The following MARVELD2 variants were observed in gnomAD, a reference collection of about 807,000 sequenced individuals.
MARVELD2 encodes MARVEL domain-containing protein 2.
In MARVELD2, 49 loss-of-function variants were observed where a neutral mutation model predicts 57.6. The ratio of observed to expected loss-of-function variants is 0.85; its 90% confidence interval spans 0.68 to 1.08. MARVELD2 has a LOEUF of 1.08. Ranked by LOEUF, MARVELD2 falls within the 50% of genes least tolerant of loss-of-function variation. The pLI is 0.00. For missense variants in MARVELD2, 606 were observed against 701.1 expected, an observed-to-expected ratio of 0.86 and a Z score of 1.53; for synonymous variants, 238 against 258.8, an observed-to-expected ratio of 0.92 and a Z score of 0.77.
chr5:69,429,280 T>G (rs1053651231), intron 3 of MARVELD2, among the ~76,000 whole-genome samples: 37 of 152,284 alleles, frequency 2.4e-4, no homozygotes, highest in Admixed American at 2.4e-3. Context: ...GTTAAAGTGC[T>G]AGTGGTTTTT....
In MARVELD2 at chr5:69,432,942, C is replaced by T. The variant is rs200786635; in HGVS notation, c.1352C>T (p.Thr451Ile). The T allele has an allele frequency of 2.5e-6, 4 of 1,614,176 alleles. No individual in the cohort carries two copies. Among genetic ancestry groups the T allele is most frequent in the Non-Finnish European group, 3.4e-6 (4 of 1,180,040 alleles). Residue 451 changes from threonine (T) to isoleucine (I), a missense_variant, in exon 5 of 7, where the codon ACA (threonine) becomes ATA (isoleucine). Coordinates refer to ENST00000325631, the MANE Select transcript of MARVELD2 (RefSeq NM_001038603.3). ...DYVAKYPVIQTDDERERYKAV... is the reference protein window; with the variant it reads ...DYVAKYPVIQIDDERERYKAV... ...CCTAGAAAATACCCTGTGATTCAGA[C>T]AGATGATGAGCGAGAACGCTATAAA...
chr5:69,424,614 C>G lies in MARVELD2; in HGVS notation c.1160C>G (p.Ser387Ter), dbSNP rs1336624126. 3 of 1,603,748 alleles carry G rather than the reference C, an allele frequency of 1.9e-6. No individual in the cohort carries two copies. The highest frequency in any genetic ancestry group is 2.6e-6 in the Non-Finnish European group (3 of 1,170,404). ...YMEQQEINEP[S>*]LSSKRKMCEM... ...TTTTTGTTCCAGATAAATGAGCCAT[C>G]ATTGTCATCGAAAAGGAAAATGGTA... Residue 387 changes from serine (S) to a stop codon, truncating the protein, a stop_gained, in exon 3 of 7, where the codon TCA becomes TGA. Transcript: ENST00000325631. LOFTEE classifies it high-confidence loss of function.
intron 5 of MARVELD2, among the ~76,000 whole-genome samples, chr5:69,439,402 C>G (rs1767259872): frequency 6.6e-6 from 1 of 151,556 alleles, no homozygotes; most frequent in African/African-American, 2.4e-5. Context: ...CTCAGGTGAT[C>G]CACCCGCCTC....
At chr5:69,428,756 G>A (rs1251636110) in intron 3 of MARVELD2, among the ~76,000 whole-genome samples, 1 of 152,158 alleles carries the variant, frequency 6.6e-6, no homozygotes, top group Non-Finnish European at 1.5e-5. Context: ...CTGCTGCTGA[G>A]ATCCAGAGGA....
intron 3 of MARVELD2, among the ~76,000 whole-genome samples, chr5:69,430,880 C>T (rs944401065): frequency 2.0e-4 from 30 of 151,442 alleles, no homozygotes; most frequent in African/African-American, 7.3e-4. Context: ...AGTTATGTGA[C>T]CTTGGAGAAT....
chr5:69,439,260 A>G (rs1191969094), intron 5 of MARVELD2, among the ~76,000 whole-genome samples: 1 of 151,632 alleles, frequency 6.6e-6, no homozygotes, highest in Non-Finnish European at 1.5e-5. Flanking sequence ...TCCTGGGTTC[A>G]AGTGATTCTA....
rs1405947292 is a variant in MARVELD2, at chr5:69,441,612, A to G, written c.1635A>G (p.Glu545=). 6.3e-7 allele frequency: 1 copy of G among 1,594,136 alleles called. No homozygotes were observed. The highest frequency in any genetic ancestry group is 1.7e-5 in the Admixed American group (1 of 59,914). Residue 545 remains glutamate, a synonymous_variant, in exon 7 of 7, where the codon GAA becomes GAG. Transcript: ENST00000325631. ...CTCACATAAAGCAAAGAATTCAAGA[A>G]TATGATAAAGTAATGAATTGGGATG... ...KLSHIKQRIQ[E]YDKVMNWDVQ...
rs299099 is a variant in MARVELD2 at position 69,424,592 on chromosome 5, T to C, written c.1147-9T>C. The C allele has an allele frequency of 5.2e-5, 83 of 1,599,378 alleles. No homozygotes were observed. The East Asian group carries it at 1.7e-3, about 32-fold the overall frequency. On this transcript the variant is annotated splice_polypyrimidine_tract_variant and intron_variant, in intron 2 of 6. Coordinates refer to ENST00000325631, the MANE Select transcript of MARVELD2 (RefSeq NM_001038603.3). ...CTTTGAAAAACTATTTGAACTCTTT[T>C]TGTTCCAGATAAATGAGCCATCATT...
intron 1 of MARVELD2, among the ~76,000 whole-genome samples, chr5:69,418,089 CAG>C (rs1766485690): frequency 2.0e-5 from 3 of 152,052 alleles, no homozygotes; most frequent in Admixed American, 6.6e-5. Flanking sequence ...GCCTGGGAAA[CAG>C]AGTGAGACCC....
Position 69,443,847 on chromosome 5 carries a change from T to C in MARVELD2, c.*2193T>C, listed in dbSNP as rs559177068. On this transcript the variant is annotated 3_prime_UTR_variant, in exon 7 of 7. Coordinates refer to ENST00000325631, the MANE Select transcript of MARVELD2 (RefSeq NM_001038603.3). ...GAAATCTTTATGCATTCATTGTTAA[T>C]ATTTTAATTCCATGGCTTTGTAGGC... 6.6e-6 allele frequency: 1 copy of C among 152,120 alleles called. No homozygotes were observed. The highest frequency in any genetic ancestry group is 1.9e-4 in the East Asian group (1 of 5,178). 9.4% of individuals were successfully genotyped at this position (152,120 alleles called of 1,614,324 possible). A position where few individuals can be genotyped will look rare whatever the true frequency, so the allele number is the denominator to read the frequency against.
chr5:69,416,605 G>A (rs996089870), intron 1 of MARVELD2, among the ~76,000 whole-genome samples: 1 of 152,202 alleles, frequency 6.6e-6, no homozygotes, highest in African/African-American at 2.4e-5. Flanking sequence ...GGACTCTATT[G>A]GCAGAGGAAA....
intron 5 of MARVELD2, among the ~76,000 whole-genome samples, chr5:69,439,709 A>G (rs1767269778): frequency 6.6e-6 from 1 of 151,658 alleles, no homozygotes; most frequent in African/African-American, 2.4e-5. Flanking sequence ...AGCTGAGATC[A>G]CGCCACTGTA....
intron 3 of MARVELD2, among the ~76,000 whole-genome samples, chr5:69,428,190 G>GT (rs1561296676): frequency 6.8e-6 from 1 of 146,316 alleles, no homozygotes; most frequent in East Asian, 2.0e-4. Flanking sequence ...CAGAAAAAAA[G>GT]TTAAGACCAT....
At chr5:69,415,661 C>A (rs1766383544) in intron 1 of MARVELD2, 1 of 152,160 alleles carries the variant, frequency 6.6e-6, no homozygotes, top group Admixed American at 6.5e-5. Context: ...TTCCCGACCC[C>A]TCGGAAGCGC....
rs578063935 is a variant in MARVELD2 at position 69,420,214 on chromosome 5, A to G, written c.829A>G (p.Met277Val). Residue 277 changes from methionine to valine, a missense_variant, in exon 2 of 7, where the codon ATG becomes GTG. By Grantham distance (21) the Met-to-Val change is conservative. Coordinates refer to ENST00000325631, the MANE Select transcript of MARVELD2 (RefSeq NM_001038603.3). ...TATTATTCTGGTTCTTGGCATGTCC[A>G]TGTATTACCGGACCATTCTTCTGGA... is the stretch of plus-strand genomic sequence containing the variant. ...TIIILVLGMS[M>V]YYRTILLDSN... 5.0e-5 allele frequency: 81 copies of G among 1,614,038 alleles called. 1 individual carries two copies. The highest frequency in any genetic ancestry group is 6.4e-5 in the Non-Finnish European group (75 of 1,180,010).
chr5:69,440,181 A>G (rs1163135774), intron 5 of MARVELD2, among the ~76,000 whole-genome samples: 1 of 152,156 alleles, frequency 6.6e-6, no homozygotes, highest in Non-Finnish European at 1.5e-5. Flanking sequence ...TGCCAGCTGT[A>G]TGACCCTGGG....
At chr5:69,434,268 A>G (rs529218058) in intron 5 of MARVELD2, among the ~76,000 whole-genome samples, 1 of 152,142 alleles carries the variant, frequency 6.6e-6, no homozygotes, top group African/African-American at 2.4e-5. Flanking sequence ...ATGCAAGACC[A>G]GCCTGGACAA....
At chr5:69,439,222 G>A (rs946701215) in intron 5 of MARVELD2, among the ~76,000 whole-genome samples, 43 of 151,546 alleles carry the variant, frequency 2.8e-4, no homozygotes, top group Non-Finnish European at 5.0e-4. Context: ...GTGCAGTGGC[G>A]TGATCTTGGC....
chr5:69,421,963 A>T (rs1021636226), intron 2 of MARVELD2, among the ~76,000 whole-genome samples: 4 of 152,014 alleles, frequency 2.6e-5, no homozygotes, highest in Non-Finnish European at 5.9e-5. Context: ...TAATACTTTT[A>T]TAATTTCTTA....
Sources: gnomAD v4.1 joint callset for allele counts (sites outside exome capture counted in the v4.1 genomes callset) on GRCh38, gnomAD v4.1.1 for gene constraint, MANE v1.5 for transcripts, NCBI Gene and HGNC (gene_info 2026-07-23, HGNC 2026-07-21) for gene names.